Variants in TANC2 observed in about 807,000 individuals in gnomAD.
TANC2 encodes the protein tetratricopeptide repeat, ankyrin repeat and coiled-coil containing 2, also known as protein TANC2.
A neutral mutation model predicts 210.5 loss-of-function variants in TANC2; 26 were observed. That is an observed-to-expected ratio of 0.12 (90% CI 0.09 to 0.17). The LOEUF (loss-of-function observed/expected upper bound fraction) is 0.17, where lower values mean the gene tolerates loss of function less well. Among genes scored for constraint, TANC2 ranks in the 10% least tolerant of loss-of-function variants. The pLI is 1.00. For missense variants in TANC2, 2,129 were observed against 2,608.9 expected (o/e 0.82, Z 4.01); for synonymous variants, 931 against 967.1 (o/e 0.96, Z 0.69).
chr17:63,330,940 A>T (rs930535999), intron 11 of TANC2, among the ~76,000 whole-genome samples: 1 of 152,086 alleles, frequency 6.6e-6, no homozygotes, highest in Admixed American at 6.5e-5. Context: ...GCCAGGCATG[A>T]TGGCGCATGC....
intron 2 of TANC2, among the ~76,000 whole-genome samples, chr17:63,030,307 T>C (rs1376541458): frequency 6.6e-6 from 1 of 152,172 alleles, no homozygotes; most frequent in Non-Finnish European, 1.5e-5. Flanking sequence ...AGGGGATTTA[T>C]ACATTCATAT....
chr17:63,010,667 G>T (rs569421781), intron 2 of TANC2, among the ~76,000 whole-genome samples: 1 of 152,086 alleles, frequency 6.6e-6, no homozygotes. Flanking sequence ...ACCTCTGTCC[G>T]ACTTGGCTAC....
At chr17:63,168,366 TTAA>T (rs1409027862) in intron 5 of TANC2, among the ~76,000 whole-genome samples, 2 of 152,324 alleles carry the variant, frequency 1.3e-5, no homozygotes, top group East Asian at 3.9e-4. Flanking sequence ...CAGTTGCATG[TTAA>T]TAATGACTCG....
At chr17:63,163,792 T>G (rs1285136322) in intron 5 of TANC2, among the ~76,000 whole-genome samples, 2 of 152,234 alleles carry the variant, frequency 1.3e-5, no homozygotes, top group African/African-American at 4.8e-5. Context: ...CTCAGTTCCC[T>G]GGATCCTAGT....
chr17:63,376,421 G>A (rs928829835), intron 14 of TANC2, among the ~76,000 whole-genome samples: 7 of 152,240 alleles, frequency 4.6e-5, no homozygotes, highest in African/African-American at 1.7e-4. Flanking sequence ...TTTTATAAGT[G>A]TCTGGCATTT....
chr17:63,354,110 C>T (rs1299290095), intron 13 of TANC2, among the ~76,000 whole-genome samples: 1 of 152,116 alleles, frequency 6.6e-6, no homozygotes, highest in Non-Finnish European at 1.5e-5. Context: ...TGGGTACTCA[C>T]AGGAGCAAAG....
chr17:63,182,162 A>C (rs891124717), intron 5 of TANC2: 1 of 154,020 alleles, frequency 6.5e-6, no homozygotes, highest in African/African-American at 2.4e-5. Flanking sequence ...CAATCTGTTG[A>C]AACTTGGTAG....
intron 8 of TANC2, among the ~76,000 whole-genome samples, chr17:63,250,307 T>TATGA (rs1193563468): frequency 4.0e-5 from 6 of 151,878 alleles, no homozygotes; most frequent in South Asian, 2.1e-4. Flanking sequence ...TTTATTTATT[T>TATGA]ATGAATGAAT....
chr17:62,999,298 A>G (rs2033261789), intron 1 of TANC2, among the ~76,000 whole-genome samples: 3 of 152,194 alleles, frequency 2.0e-5, no homozygotes, highest in African/African-American at 7.2e-5. Flanking sequence ...GCCTCCCCAG[A>G]AGCAGGTGGT....
At position 63,421,497 on chromosome 17, in the gene TANC2, C is replaced by A. The variant is rs1018525908; in HGVS notation, c.5767C>A (p.Arg1923=). The stretch of plus-strand genomic sequence containing the variant: ...AGGAGGTTACCCCAGTGAGCCCACC[C>A]GATCCAGGACCACACCATTCATGGG... The change falls in exon 28 of 28, where the codon CGA becomes AGA. Residue 1923 remains arginine (R), a synonymous_variant. Coordinates refer to ENST00000689528, the Ensembl canonical transcript of TANC2. The surrounding 1 kb of genome is among the most constrained non-coding windows in gnomAD (Gnocchi z 6.9). The A allele has an allele frequency of 3.1e-6, 5 of 1,613,988 alleles. No individual in the cohort carries two copies. Among genetic ancestry groups the A allele is most frequent in the Non-Finnish European group, 8.5e-7 (1 of 1,179,892 alleles).
At chr17:63,114,995 A>G (rs2038198343) in intron 4 of TANC2, among the ~76,000 whole-genome samples, 1 of 152,202 alleles carries the variant, frequency 6.6e-6, no homozygotes, top group Non-Finnish European at 1.5e-5. Flanking sequence ...TTGTTGTCCA[A>G]GTTTACATTT....
intron 4 of TANC2, among the ~76,000 whole-genome samples, chr17:63,100,115 T>A (rs2037566408): frequency 6.6e-6 from 1 of 152,180 alleles, no homozygotes; most frequent in Non-Finnish European, 1.5e-5. Flanking sequence ...TGATGGGTTC[T>A]AAGTGCATGG....
At chr17:63,011,344 G>C (rs1352587037) in intron 2 of TANC2, among the ~76,000 whole-genome samples, 1 of 151,792 alleles carries the variant, frequency 6.6e-6, no homozygotes, top group South Asian at 2.1e-4. Context: ...TATTTATTGA[G>C]ATTTGCTTTA....
intron 5 of TANC2, among the ~76,000 whole-genome samples, chr17:63,157,525 C>G (rs1307042143): frequency 6.6e-6 from 1 of 152,060 alleles, no homozygotes; most frequent in East Asian, 1.9e-4. Context: ...TGGTTTAGAG[C>G]CAGACTGCCT....
intron 5 of TANC2, among the ~76,000 whole-genome samples, chr17:63,180,552 A>G (rs2040745755): frequency 1.3e-5 from 2 of 152,154 alleles, no homozygotes; most frequent in African/African-American, 2.4e-5. Context: ...AAGCTGAGAA[A>G]CTTTCTAGTC....
intron 7 of TANC2, among the ~76,000 whole-genome samples, chr17:63,207,211 CTTTTTTTTTTTT>C (rs948663767): frequency 8.8e-6 from 1 of 113,806 alleles, no homozygotes; most frequent in Non-Finnish European, 1.8e-5. Flanking sequence ...TTTTTTTTTC[CTTTTTTTTTTTT>C]TTTTTTTTTT....
intron 9 of TANC2, among the ~76,000 whole-genome samples, chr17:63,291,943 A>T: frequency 6.6e-6 from 1 of 152,208 alleles, no homozygotes; most frequent in African/African-American, 2.4e-5. Flanking sequence ...AGGAGGAAGA[A>T]ATTATGGGTA....
In TANC2 at chr17:63,225,049, C is replaced by T. The variant is rs147153400; in HGVS notation, c.770-12765C>T. On this transcript the variant is annotated intron_variant, in intron 7 of 27. Transcript: ENST00000689528. ...GATCAAGTCTTTTTGCATCTTCTAT[C>T]TCCCTCTACCCTTCACAGACCCATT... Among the ~76,000 whole-genome samples the T allele has an allele frequency of 2.2e-3, 329 of 152,150 alleles. 1 individual carries two copies. The highest frequency in any genetic ancestry group is 7.2e-3 in the African/African-American group (299 of 41,510).
chr17:63,297,872 G>A (rs1457658474), intron 9 of TANC2, among the ~76,000 whole-genome samples: 3 of 151,658 alleles, frequency 2.0e-5, no homozygotes, highest in Non-Finnish European at 2.9e-5. Flanking sequence ...ACAACAAAAA[G>A]ACAACCCAAT....
Sources: gnomAD v4.1 joint callset for allele counts (sites outside exome capture counted in the v4.1 genomes callset) on GRCh38, gnomAD v4.1.1 for gene constraint, Gnocchi (gnomAD v3.1) non-coding constraint, MANE v1.5 for transcripts, NCBI Gene and HGNC (gene_info 2026-07-23, HGNC 2026-07-21) for gene names.